Variants in AKAP6 observed in about 807,000 individuals in gnomAD.
AKAP6 encodes the protein A-kinase anchoring protein 6, also known as A-kinase anchor protein 6.
In AKAP6, 58 loss-of-function variants were observed where a neutral mutation model predicts 188.5. That is an observed-to-expected ratio of 0.31 (90% CI 0.25 to 0.38). AKAP6 has a LOEUF of 0.38. Ranked by LOEUF, AKAP6 falls within the 10% of genes least tolerant of loss-of-function variation. The probability of loss-of-function intolerance (pLI) is 1.00; values close to 1 mark genes in which losing one functional copy is unlikely to be tolerated. For missense variants in AKAP6, 2,710 were observed against 2,740.0 expected (o/e 0.99, Z 0.24); for synonymous variants, 989 against 998.6 (o/e 0.99, Z 0.18).
At chr14:32,348,408 C>CTTTTCTTT (rs1235466012) in intron 1 of AKAP6, among the ~76,000 whole-genome samples, 1 of 88,736 alleles carries the variant, frequency 1.1e-5, no homozygotes, top group African/African-American at 6.5e-5. Flanking sequence ...TCTTTCTTTT[C>CTTTTCTTT]TTTTGTTTCT....
At chr14:32,376,798 G>C (rs1043568133) in intron 1 of AKAP6, among the ~76,000 whole-genome samples, 2 of 152,174 alleles carry the variant, frequency 1.3e-5, no homozygotes, top group African/African-American at 4.8e-5. Context: ...CTGGATTCAA[G>C]TGATTCTCCT....
At chr14:32,641,590 A>G (rs1887760405) in intron 7 of AKAP6, among the ~76,000 whole-genome samples, 1 of 152,088 alleles carries the variant, frequency 6.6e-6, no homozygotes, top group Non-Finnish European at 1.5e-5. Flanking sequence ...TGTTTCTAAG[A>G]GCAATGAACA....
chr14:32,719,636 C>T (rs1437635358), intron 9 of AKAP6, among the ~76,000 whole-genome samples: 2 of 152,112 alleles, frequency 1.3e-5, no homozygotes, highest in Non-Finnish European at 2.9e-5. Context: ...ATCTTGGCAA[C>T]TGCTTTGGTT....
intron 13 of AKAP6, among the ~76,000 whole-genome samples, chr14:32,828,192 C>G (rs2143975): frequency 0.6 from 91,138 of 151,930 alleles, 28,119 homozygotes; most frequent in East Asian, 0.85. Flanking sequence ...TCAGATTTTA[C>G]AAACTGAGAA....
rs2034834215 is a variant in AKAP6, at chr14:32,832,709, C to CTT, written c.*2905_*2906dup. 1 of 152,556 alleles carries CTT rather than the reference C, an allele frequency of 6.6e-6. No individual in the cohort carries two copies. Among genetic ancestry groups the CTT allele is most frequent in the African/African-American group, 2.4e-5 (1 of 41,440 alleles). 9.5% of individuals were successfully genotyped at this position (152,556 alleles called of 1,614,324 possible). On this transcript the variant is annotated 3_prime_UTR_variant, in exon 14 of 14. Transcript: ENST00000280979. Reference sequence around the variant, plus strand: ...ATATCTCTTTGTTAGAAAGTTCTTTCTTAGGTTGCTAAAATCTGCCTAGTA... The same window carrying CTT: ...ATATCTCTTTGTTAGAAAGTTCTTTCTTTTAGGTTGCTAAAATCTGCCTAGTA...
In AKAP6 at chr14:32,413,011, T is replaced by G. The variant is rs17099018; in HGVS notation, c.-34-20449T>G. 9.0e-3 allele frequency among the ~76,000 whole-genome samples: 1,373 copies of G among 152,222 alleles called. 15 individuals carry two copies. Among genetic ancestry groups the G allele is most frequent in the African/African-American group, 0.031 (1,270 of 41,516 alleles). On this transcript the variant is annotated intron_variant, in intron 1 of 13. Transcript: ENST00000280979. The stretch of plus-strand genomic sequence containing the variant: ...TTTTATATACAGTGTCTTCTAGATT[T>G]CTACTCTAGAGGCTATCCAGAGGTC...
rs78303771 is a variant in AKAP6, at chr14:32,514,748, G to A, written c.325-20806G>A. Reference sequence around the variant, plus strand: ...AAGAAAAAGCAACAGGTGGTATAGGGAGTTGAAAATGAGACTCAAAGGAAT... The same window carrying A: ...AAGAAAAAGCAACAGGTGGTATAGGAAGTTGAAAATGAGACTCAAAGGAAT... On this transcript the variant is annotated intron_variant, in intron 2 of 13. Transcript: ENST00000280979. Among the ~76,000 whole-genome samples the A allele has an allele frequency of 8.6e-3, 1,313 of 152,302 alleles. 10 individuals carry two copies. The highest frequency in any genetic ancestry group is 0.019 in the African/African-American group (782 of 41,572).
chr14:32,624,464 A>C (rs943513151), intron 7 of AKAP6, among the ~76,000 whole-genome samples: 5 of 152,260 alleles, frequency 3.3e-5, no homozygotes, highest in Admixed American at 3.3e-4. Context: ...CTAAAGAGAA[A>C]ATATAGTTGT....
chr14:32,750,751 G>GT (rs1555359067), intron 11 of AKAP6, among the ~76,000 whole-genome samples: 10,356 of 79,758 alleles, frequency 0.13, 872 homozygotes, highest in East Asian at 0.47. Context: ...TTTTTTTTTT[G>GT]TTTTTTTTTC....
intron 1 of AKAP6, among the ~76,000 whole-genome samples, chr14:32,421,992 C>T (rs1889865074): frequency 6.6e-6 from 1 of 152,184 alleles, no homozygotes; most frequent in African/African-American, 2.4e-5. Context: ...ATCTGCCAGT[C>T]CAGAGACCCT....
intron 8 of AKAP6, among the ~76,000 whole-genome samples, chr14:32,685,034 T>A (rs1569972): frequency 0.15 from 23,391 of 151,576 alleles, 2,039 homozygotes; most frequent in African/African-American, 0.23. Flanking sequence ...AGCAAGAGGA[T>A]CATTTGAGCC....
chr14:32,510,405 T>TGTATATATGTATATATATACAC (rs1566546495), intron 2 of AKAP6, among the ~76,000 whole-genome samples: 1 of 98,028 alleles, frequency 1.0e-5, no homozygotes, highest in Non-Finnish European at 2.0e-5. Flanking sequence ...TATATATATG[T>TGTATATATGTATATATATACAC]ATATATATGT....
At chr14:32,689,058 C>T (rs1029216429) in intron 8 of AKAP6, among the ~76,000 whole-genome samples, 5 of 152,064 alleles carry the variant, frequency 3.3e-5, no homozygotes, top group African/African-American at 9.7e-5. Flanking sequence ...TAACATAGGA[C>T]GGTTTATCTT....
chr14:32,555,118 A>T (rs746994826), intron 4 of AKAP6, among the ~76,000 whole-genome samples: 51 of 152,228 alleles, frequency 3.4e-4, no homozygotes, highest in Non-Finnish European at 6.3e-4. Flanking sequence ...GTCCTTGCAC[A>T]TAAGTTATCT....
intron 1 of AKAP6, among the ~76,000 whole-genome samples, chr14:32,335,215 G>A (rs1434949965): frequency 6.6e-6 from 1 of 152,136 alleles, no homozygotes; most frequent in Non-Finnish European, 1.5e-5. Context: ...TTATGGGTGT[G>A]CAACCTGTGT....
intron 1 of AKAP6, among the ~76,000 whole-genome samples, chr14:32,342,095 A>G (rs1886907957): frequency 6.6e-6 from 1 of 152,108 alleles, no homozygotes. Context: ...TTGAGTCTCT[A>G]CCTTTTCTCT....
chr14:32,466,841 A>AT (rs1406818934), intron 2 of AKAP6, among the ~76,000 whole-genome samples: 7 of 143,750 alleles, frequency 4.9e-5, no homozygotes, highest in Admixed American at 2.1e-4. Context: ...ATATATATAT[A>AT]TATATTTTCT....
intron 7 of AKAP6, among the ~76,000 whole-genome samples, chr14:32,621,548 G>C (rs1481752497): frequency 6.6e-6 from 1 of 152,034 alleles, no homozygotes. Flanking sequence ...ACAGAAGATA[G>C]TATTTTGATT....
intron 12 of AKAP6, among the ~76,000 whole-genome samples, chr14:32,819,076 A>G (rs1393904163): frequency 6.6e-6 from 1 of 152,186 alleles, no homozygotes; most frequent in Non-Finnish European, 1.5e-5. Flanking sequence ...ATAAACAGAA[A>G]TTCTAATAAA....
Sources: allele counts gnomAD v4.1 joint callset (sites outside exome capture counted in the v4.1 genomes callset), GRCh38; gene constraint gnomAD v4.1.1; transcripts MANE v1.5; gene names NCBI Gene and HGNC (gene_info 2026-07-23, HGNC 2026-07-21).